Variants in NRG3 observed in about 807,000 individuals in gnomAD.
NRG3 encodes pro-neuregulin-3, membrane-bound isoform.
A neutral mutation model predicts 66.9 loss-of-function variants in NRG3; 31 were observed. The ratio of observed to expected loss-of-function variants is 0.46; its 90% CI spans 0.35 to 0.63. The LOEUF (loss-of-function observed/expected upper bound fraction) is 0.63. NRG3 is among the 20% of genes least tolerant of loss of function. NRG3 has a pLI of 0.00. For missense variants in NRG3, 910 were observed against 878.9 expected, an observed-to-expected ratio of 1.04 and a Z score of -0.45; for synonymous variants, 393 against 359.4, an observed-to-expected ratio of 1.09 and a Z score of -1.06.
At chr10:82,171,227 A>G (rs959696794) in intron 1 of NRG3, among the ~76,000 whole-genome samples, 2 of 152,070 alleles carry the variant, frequency 1.3e-5, no homozygotes, top group African/African-American at 2.4e-5. Flanking sequence ...CATCAAATCA[A>G]TCATTCTTTC....
intron 2 of NRG3, among the ~76,000 whole-genome samples, chr10:82,491,704 A>G (rs1307901766): frequency 6.6e-6 from 1 of 152,122 alleles, no homozygotes; most frequent in East Asian, 1.9e-4. Flanking sequence ...GAGCAGCTCA[A>G]TGATATTGAT....
At chr10:82,065,256 G>A (rs1049148513) in intron 1 of NRG3, among the ~76,000 whole-genome samples, 1 of 152,128 alleles carries the variant, frequency 6.6e-6, no homozygotes, top group African/African-American at 2.4e-5. Flanking sequence ...GGAGATGCTT[G>A]TTATTAGAAT....
intron 1 of NRG3, among the ~76,000 whole-genome samples, chr10:82,062,789 A>G (rs10786850): frequency 0.73 from 111,247 of 151,494 alleles, 40,952 homozygotes; most frequent in East Asian, 0.89. Context: ...AAGGGAAGGT[A>G]CTGAAGAGAA....
chr10:82,276,365 C>G (rs2078848567), intron 1 of NRG3, among the ~76,000 whole-genome samples: 1 of 151,850 alleles, frequency 6.6e-6, no homozygotes, highest in Non-Finnish European at 1.5e-5. Context: ...TTCTTATTCT[C>G]AATTAGAAAT....
intron 2 of NRG3, among the ~76,000 whole-genome samples, chr10:82,383,687 A>G (rs1237116763): frequency 1.3e-5 from 2 of 152,012 alleles, no homozygotes; most frequent in Non-Finnish European, 2.9e-5. Flanking sequence ...TTAAATTTTT[A>G]TCTCAAAGTT....
intron 2 of NRG3, among the ~76,000 whole-genome samples, chr10:82,604,122 G>A (rs2047809539): frequency 6.6e-6 from 1 of 152,108 alleles, no homozygotes; most frequent in South Asian, 2.1e-4. Context: ...GTTTTGACAA[G>A]TGCATAATGG....
intron 1 of NRG3, among the ~76,000 whole-genome samples, chr10:82,079,926 TATGAATCAAGCTGCTATAAATA>T (rs541140856): frequency 6.6e-6 from 1 of 152,312 alleles, no homozygotes; most frequent in South Asian, 2.1e-4. Context: ...TTTATTTGGT[TATGAATCAAGCTGCTATAAATA>T]AAGAAATCAA....
At chr10:82,178,528 C>A (rs1267923665) in intron 1 of NRG3, among the ~76,000 whole-genome samples, 1 of 152,104 alleles carries the variant, frequency 6.6e-6, no homozygotes, top group East Asian at 1.9e-4. Flanking sequence ...TCCTGAAGAT[C>A]CATCCATGTT....
chr10:82,129,050 T>G (rs933299435), intron 1 of NRG3, among the ~76,000 whole-genome samples: 3 of 151,908 alleles, frequency 2.0e-5, no homozygotes, highest in African/African-American at 7.3e-5. Flanking sequence ...GTAGCTGTGA[T>G]TACAGATGCC....
At chr10:82,510,128 T>A (rs1192937275) in intron 2 of NRG3, among the ~76,000 whole-genome samples, 4 of 152,092 alleles carry the variant, frequency 2.6e-5, no homozygotes, top group African/African-American at 9.7e-5. Flanking sequence ...AACTCCTCCA[T>A]ACCTCTAGAA....
chr10:82,141,336 A>AGG (rs2069768651), intron 1 of NRG3, among the ~76,000 whole-genome samples: 1 of 152,166 alleles, frequency 6.6e-6, no homozygotes, highest in Non-Finnish European at 1.5e-5. Context: ...GGCAGGCATT[A>AGG]GGGTCGACCT....
chr10:82,492,900 A>G (rs1468953837), intron 2 of NRG3, among the ~76,000 whole-genome samples: 1 of 152,178 alleles, frequency 6.6e-6, no homozygotes, highest in Non-Finnish European at 1.5e-5. Flanking sequence ...GGGTCCATGT[A>G]AAGTTAATCC....
At chr10:82,788,783 A>AT (rs58959334) in intron 3 of NRG3, among the ~76,000 whole-genome samples, 5 of 150,724 alleles carry the variant, frequency 3.3e-5, no homozygotes, top group Middle Eastern at 3.4e-3. Context: ...CAAAAAAAAA[A>AT]TTTTTTTTTT....
intron 1 of NRG3, among the ~76,000 whole-genome samples, chr10:82,096,987 G>T (rs988760393): frequency 2.0e-5 from 3 of 152,194 alleles, no homozygotes; most frequent in South Asian, 4.1e-4. Flanking sequence ...TTTTTGAGGT[G>T]CAGTTTTCTG....
intron 1 of NRG3, among the ~76,000 whole-genome samples, chr10:81,976,503 A>G (rs1309637099): frequency 6.6e-6 from 1 of 152,238 alleles, no homozygotes; most frequent in Non-Finnish European, 1.5e-5. Context: ...AAATGTTTAC[A>G]TTTCCTAGAT....
intron 2 of NRG3, among the ~76,000 whole-genome samples, chr10:82,546,451 T>C (rs1248706083): frequency 1.3e-5 from 2 of 152,206 alleles, no homozygotes; most frequent in Admixed American, 1.3e-4. Context: ...TGTGATTTTG[T>C]ACGTGTTACT....
intron 2 of NRG3, among the ~76,000 whole-genome samples, chr10:82,693,992 A>G (rs1377608008): frequency 1.3e-5 from 2 of 152,144 alleles, no homozygotes; most frequent in African/African-American, 4.8e-5. Flanking sequence ...TGATTTGTCC[A>G]TTTTACAGAG....
intron 4 of NRG3, among the ~76,000 whole-genome samples, chr10:82,872,649 C>G (rs974355867): frequency 2.6e-5 from 4 of 151,556 alleles, no homozygotes; most frequent in East Asian, 1.9e-4. Flanking sequence ...TGTCCAAAAC[C>G]TCTAAAACTA....
chr10:82,828,233 C>A (rs1341735555), intron 3 of NRG3, among the ~76,000 whole-genome samples: 1 of 152,116 alleles, frequency 6.6e-6, no homozygotes, highest in Non-Finnish European at 1.5e-5. Context: ...ATAAAAAAAA[C>A]TTCTGCTAGG....
Sources: gnomAD v4.1 joint callset for allele counts (sites outside exome capture counted in the v4.1 genomes callset) on GRCh38, gnomAD v4.1.1 for gene constraint, MANE v1.5 for transcripts, NCBI Gene and HGNC (gene_info 2026-07-23, HGNC 2026-07-21) for gene names.